Variants in DHX37 observed in about 807,000 individuals in gnomAD.
The protein encoded by DHX37 is DEAH-box helicase 37, also known as probable ATP-dependent RNA helicase DHX37.
A neutral mutation model predicts 134.3 loss-of-function variants in DHX37; 52 were observed. The observed-to-expected ratio is 0.39, with a 90% CI of 0.31 to 0.49. DHX37 has a LOEUF of 0.49. Among genes scored for constraint, DHX37 ranks in the 20% least tolerant of loss-of-function variants. The probability of loss-of-function intolerance (pLI) is 0.93; values close to 1 mark genes in which losing one functional copy is unlikely to be tolerated. For missense variants in DHX37, 1,344 were observed against 1,580.8 expected (o/e 0.85, Z 2.54); for synonymous variants, 634 against 670.7 (o/e 0.95, Z 0.85).
Position 124,977,483 on chromosome 12 carries a change from C to T in DHX37, c.746G>A (p.Arg249Gln), listed in dbSNP as rs747487040. 2 of 1,598,914 alleles carry T rather than the reference C, an allele frequency of 1.3e-6. No individual in the cohort carries two copies. The highest frequency in any genetic ancestry group is 1.7e-6 in the Non-Finnish European group (2 of 1,174,216). Residue 249 changes from arginine to glutamine, a missense_variant, in exon 5 of 27, where the codon CGG (arginine) becomes CAG (glutamine). By Grantham distance (43) the Arg-to-Gln change is conservative. Around this residue, in one of 7 missense-constraint regions of DHX37, gnomAD observed 77 missense variants for 121.6 expected, o/e 0.63. Coordinates refer to ENST00000308736, the MANE Select transcript of DHX37 (RefSeq NM_032656.4). ...TTCGGAGAGAATTGGGAGCTTCAGC[C>T]GTTCCTCCTGGAAGGAGAGGAAGTC... ...VNRSPEMQEERLKLPILSEEQ... is the reference protein window; with the variant it reads ...VNRSPEMQEEQLKLPILSEEQ...
rs1226688659 is a variant in DHX37, at chr12:124,949,171, C to T, written c.3290+815G>A. 6.6e-6 allele frequency among the ~76,000 whole-genome samples: 1 copy of T among 152,184 alleles called. No individual in the cohort carries two copies. The highest frequency in any genetic ancestry group is 1.5e-5 in the Non-Finnish European group (1 of 68,042). ...AGAGATCGTGTCTGTATCCCAGCCC[C>T]GAGAACATGCCTGGGACAGGGCCAC... On this transcript the variant is annotated intron_variant, in intron 25 of 26. Coordinates refer to ENST00000308736, the MANE Select transcript of DHX37 (RefSeq NM_032656.4). The surrounding 1 kb of genome is among the most constrained non-coding windows in gnomAD (Gnocchi z 4.0).
At chr12:124,964,668 G>A (rs752828272) in intron 14 of DHX37, 42 bp from the exon 15 acceptor site, 5 of 1,603,050 alleles carry the variant, frequency 3.1e-6, no homozygotes, top group Non-Finnish European at 4.2e-6. Flanking sequence ...ACCAGAATCA[G>A]AAAAGAAATC....
chr12:124,974,938 G>C (rs1210486747), intron 6 of DHX37, among the ~76,000 whole-genome samples: 1 of 152,098 alleles, frequency 6.6e-6, no homozygotes, highest in South Asian at 2.1e-4. Flanking sequence ...CACCACACCT[G>C]GCTCATCTTG....
At chr12:124,965,196 T>C (rs1191535999) in intron 13 of DHX37, among the ~76,000 whole-genome samples, 190 bp from the exon 14 acceptor site, 4 of 152,202 alleles carry the variant, frequency 2.6e-5, no homozygotes. Flanking sequence ...AGGGGCTCTC[T>C]TGTCTCTGCT....
chr12:124,957,214 C>G (rs1594478306), intron 16 of DHX37, 79 bp from the exon 17 acceptor site: 3 of 1,303,146 alleles, frequency 2.3e-6, no homozygotes, highest in Non-Finnish European at 3.1e-6. Flanking sequence ...CTGTGGCAGG[C>G]ACTCCCTCCA....
chr12:124,971,413 G>A lies in DHX37; in HGVS notation c.1080C>T (p.Asp360=), dbSNP rs1954520303. ...CCACCTTGTACCGCAGCAGCAGGAA[G>A]TCCTGGGGGGAGGTCCGGGGTGAGG... The part of the protein sequence containing the change: ...DGVLLKEIQK[D]FLLLRYKVVI... Residue 360 remains aspartate, a splice_region_variant and synonymous_variant, in exon 8 of 27, where the codon GAC becomes GAT. Coordinates refer to ENST00000308736, the MANE Select transcript of DHX37 (RefSeq NM_032656.4). 6 of 1,613,076 alleles carry A rather than the reference G, an allele frequency of 3.7e-6. No homozygotes were observed. The highest frequency in any genetic ancestry group is 5.1e-6 in the Non-Finnish European group (6 of 1,179,946).
chr12:124,966,707 AC>A, intron 12 of DHX37, 85 bp downstream of exon 12: 1 of 1,356,666 alleles, frequency 7.4e-7, no homozygotes, highest in Middle Eastern at 1.8e-4. Flanking sequence ...TTACACTTAA[AC>A]CTAAGCAGCC....
intron 15 of DHX37, among the ~76,000 whole-genome samples, chr12:124,963,772 C>T (rs1954319331): frequency 6.9e-6 from 1 of 145,608 alleles, no homozygotes. Context: ...CCCAGCTACT[C>T]GGGAGGCTGA....
rs1954340524 is a variant in DHX37, at chr12:124,964,637, G to A, written c.1813-11C>T. The stretch of plus-strand genomic sequence containing the variant: ...TGGAGGCTTAAAGACCTAGGATTCG[G>A]GGAAGGGATGGCAGGAAAACACCAG... On this transcript the variant is annotated splice_polypyrimidine_tract_variant and intron_variant, in intron 14 of 26. Coordinates refer to ENST00000308736, the MANE Select transcript of DHX37 (RefSeq NM_032656.4). 1 of 1,605,882 alleles carries A rather than the reference G, an allele frequency of 6.2e-7. No individual in the cohort carries two copies. Among genetic ancestry groups the A allele is most frequent in the Non-Finnish European group, 8.5e-7 (1 of 1,178,234 alleles).
intron 1 of DHX37, among the ~76,000 whole-genome samples, chr12:124,987,987 C>CTTTTTTTTTTTTTTTTTTTTTTTTTTT: frequency 1.3e-5 from 1 of 79,694 alleles, no homozygotes; most frequent in Non-Finnish European, 2.2e-5. Context: ...GTCTGTGGAA[C>CTTTTTTTTTTTTTTTTTTTTTTTTTTT]TTTTTTTTTT....
chr12:124,947,172 C>T lies in DHX37; in HGVS notation c.*630G>A, dbSNP rs1321295639. Reference sequence around the variant, plus strand: ...GCGGCATGGCAGCGGTGACCAAGCACAGCCAACGTCAGCTCCGCTCCCTGC... The same window carrying T: ...GCGGCATGGCAGCGGTGACCAAGCATAGCCAACGTCAGCTCCGCTCCCTGC... On this transcript the variant is annotated 3_prime_UTR_variant, in exon 27 of 27. Coordinates refer to ENST00000308736, the MANE Select transcript of DHX37 (RefSeq NM_032656.4). 7 of 152,388 alleles carry T rather than the reference C, an allele frequency of 4.6e-5. No individual in the cohort carries two copies. Among genetic ancestry groups the T allele is most frequent in the African/African-American group, 1.4e-4 (6 of 41,486 alleles). 9.4% of individuals were successfully genotyped at this position (152,388 alleles called of 1,614,324 possible).
intron 18 of DHX37, 120 bp from the exon 19 acceptor site, chr12:124,954,331 G>C: frequency 7.1e-7 from 1 of 1,404,130 alleles, no homozygotes; most frequent in Admixed American, 2.7e-5. Flanking sequence ...ACTGATGAAT[G>C]TAATTAAGGT....
At chr12:124,966,120 C>T (rs905080028) in intron 12 of DHX37, among the ~76,000 whole-genome samples, 1 of 152,218 alleles carries the variant, frequency 6.6e-6, no homozygotes, top group Admixed American at 6.5e-5. Flanking sequence ...CTTACGCTAC[C>T]GTCACGGAGC....
chr12:124,976,641 A>C (rs182990770), intron 5 of DHX37, among the ~76,000 whole-genome samples: 3 of 152,104 alleles, frequency 2.0e-5, no homozygotes, highest in Non-Finnish European at 4.4e-5. Flanking sequence ...CATCCCGGCT[A>C]ACATGGTGAA....
intron 6 of DHX37, among the ~76,000 whole-genome samples, chr12:124,974,542 G>A (rs1489494487): frequency 1.3e-5 from 2 of 149,580 alleles, no homozygotes; most frequent in East Asian, 3.9e-4. Context: ...CGTCCTGAGA[G>A]CCCAGGATGG....
At chr12:124,983,629 AC>A (rs1323026084) in intron 2 of DHX37, among the ~76,000 whole-genome samples, 3 of 151,846 alleles carry the variant, frequency 2.0e-5, no homozygotes, top group African/African-American at 7.3e-5. Flanking sequence ...TACTAAAAAT[AC>A]AAAAATTAGC....
Position 124,948,184 on chromosome 12 carries a change from G to A in DHX37, c.3291-3C>T, listed in dbSNP as rs766906966. On this transcript the variant is annotated splice_polypyrimidine_tract_variant and splice_region_variant and intron_variant, in intron 25 of 26. Transcript: ENST00000308736. ...GGCTCTCCGTACGGGGCTGCAGCCT[G>A]TGGGGCAGGAATGCACGTTGGTGGC... The A allele has an allele frequency of 1.2e-6, 2 of 1,613,606 alleles. No homozygotes were observed. Among genetic ancestry groups the A allele is most frequent in the East Asian group, 4.5e-5 (2 of 44,876 alleles).
In DHX37 at chr12:124,964,940, T is replaced by G; in HGVS notation, c.1802A>C (p.Lys601Thr). Residue 601 changes from lysine (K) to threonine (T), a missense_variant, in exon 14 of 27, where the codon AAG becomes ACG. By Grantham distance (78) the Lys-to-Thr change is moderately conservative. Around this residue, in one of 7 missense-constraint regions of DHX37, gnomAD observed 289 missense variants for 323.8 expected, o/e 0.89. Coordinates refer to ENST00000308736, the MANE Select transcript of DHX37 (RefSeq NM_032656.4). The part of the protein sequence containing the change: ...LPLYSLLAPE[K>T]QAQVFKPPPE... The stretch of plus-strand genomic sequence containing the variant: ...GCCCAGCACGGTTACCTGTGCTTGC[T>G]TCTCTGGGGCCAGCAGAGAGTACAG... The G allele has an allele frequency of 1.9e-6, 3 of 1,594,020 alleles. No individual in the cohort carries two copies. Among genetic ancestry groups the G allele is most frequent in the Non-Finnish European group, 2.6e-6 (3 of 1,172,018 alleles).
At chr12:124,968,997 G>C in intron 8 of DHX37, 29 bp from the exon 9 acceptor site, 1 of 1,604,452 alleles carries the variant, frequency 6.2e-7, no homozygotes, top group Non-Finnish European at 8.5e-7. Flanking sequence ...AGTGACCGTG[G>C]CCCCAGGACC....
Sources: gnomAD v4.1 joint callset for allele counts (sites outside exome capture counted in the v4.1 genomes callset) on GRCh38, gnomAD v4.1.1 for gene constraint, gnomAD v4.1.1 regional missense constraint, Gnocchi (gnomAD v3.1) non-coding constraint, MANE v1.5 for transcripts, NCBI Gene and HGNC (gene_info 2026-07-23, HGNC 2026-07-21) for gene names.